MIS18A: variants seen among roughly 807,000 people sequenced by gnomAD.
MIS18A encodes the protein MIS18 kinetochore protein A.
A neutral mutation model predicts 25.0 loss-of-function variants in MIS18A; 14 were observed. The observed-to-expected ratio is 0.56, with a 90% CI of 0.37 to 0.88. MIS18A has a LOEUF of 0.88. Ranked by LOEUF, MIS18A falls within the 40% of genes least tolerant of loss-of-function variation. The probability of loss-of-function intolerance (pLI) is 0.00; values close to 1 mark genes in which losing one functional copy is unlikely to be tolerated. For missense variants in MIS18A, 292 were observed against 290.8 expected (o/e 1.00, Z -0.03); for synonymous variants, 134 against 118.6 (o/e 1.13, Z -0.84).
the MIS18A span, among the ~76,000 whole-genome samples, chr21:32,168,040 G>A: frequency 3.3e-5 from 5 of 152,088 alleles, no homozygotes; most frequent in Non-Finnish European, 7.4e-5. Flanking sequence ...CATGAAAGTG[G>A]AGCCCTCACA....
intron 2 of MIS18A, among the ~76,000 whole-genome samples, chr21:32,274,327 C>T (rs1195753378): frequency 6.7e-6 from 1 of 150,206 alleles, no homozygotes; most frequent in Non-Finnish European, 1.5e-5. Flanking sequence ...GTCTCAGCCT[C>T]TTGAGTAGGT....
chr21:32,176,102 T>C, the MIS18A span, among the ~76,000 whole-genome samples: 7 of 152,300 alleles, frequency 4.6e-5, no homozygotes, highest in African/African-American at 1.2e-4. Flanking sequence ...CCGAAGGACA[T>C]GCCTGAGGCT....
At chr21:32,267,826 C>T (rs950417376), downstream of MIS18A, among the ~76,000 whole-genome samples, 1 of 152,224 alleles carries the variant, frequency 6.6e-6, no homozygotes. Flanking sequence ...TTTGCTTCCA[C>T]AGCACCATAG....
chr21:32,262,627 C>T, the MIS18A span, among the ~76,000 whole-genome samples: 11 of 152,246 alleles, frequency 7.2e-5, no homozygotes, highest in Middle Eastern at 3.4e-3. Flanking sequence ...TTCAGGGTTA[C>T]GTGAATTAGA....
At chr21:32,262,049 A>C in the MIS18A span, among the ~76,000 whole-genome samples, 1 of 152,270 alleles carries the variant, frequency 6.6e-6, no homozygotes, top group African/African-American at 2.4e-5. Context: ...GGAAGAAGGC[A>C]GCCATGCACA....
the MIS18A span, among the ~76,000 whole-genome samples, chr21:32,223,304 C>A: frequency 6.6e-6 from 1 of 150,550 alleles, no homozygotes; most frequent in Non-Finnish European, 1.5e-5. Context: ...GATAGAGACA[C>A]AAAAAACCCT....
the MIS18A span, among the ~76,000 whole-genome samples, chr21:32,229,281 T>C: frequency 6.6e-6 from 1 of 152,214 alleles, no homozygotes; most frequent in African/African-American, 2.4e-5. Flanking sequence ...CCAAGTGCTA[T>C]GTCTAAAGTT....
the MIS18A span, among the ~76,000 whole-genome samples, chr21:32,247,972 G>A: frequency 6.6e-6 from 1 of 152,200 alleles, no homozygotes; most frequent in Non-Finnish European, 1.5e-5. Flanking sequence ...CAGACTCTAT[G>A]TGAAGAGCTG....
chr21:32,171,763 T>G, the MIS18A span, among the ~76,000 whole-genome samples: 1 of 152,060 alleles, frequency 6.6e-6, no homozygotes, highest in African/African-American at 2.4e-5. Flanking sequence ...CACAATTGAC[T>G]GAAACATTGT....
At chr21:32,165,785 T>C in the MIS18A span, among the ~76,000 whole-genome samples, 2,899 of 152,136 alleles carry the variant, frequency 0.019, 88 homozygotes, top group African/African-American at 0.063. Flanking sequence ...TGCTAAGAGG[T>C]GAATAAGCAC....
intron 1 of MIS18A, 24 bp downstream of exon 1, chr21:32,278,657 C>T: frequency 1.3e-6 from 2 of 1,494,330 alleles, no homozygotes; most frequent in Non-Finnish European, 8.9e-7. Context: ...CCACGCCCCC[C>T]CTGCCCGGCT....
At chr21:32,223,205 T>C in the MIS18A span, among the ~76,000 whole-genome samples, 73 of 151,678 alleles carry the variant, frequency 4.8e-4, no homozygotes, top group Non-Finnish European at 9.0e-4. Flanking sequence ...CCTAACATCA[T>C]GATTAAAAGA....
At chr21:32,175,260 T>C in the MIS18A span, among the ~76,000 whole-genome samples, 3 of 152,170 alleles carry the variant, frequency 2.0e-5, no homozygotes, top group South Asian at 2.1e-4. Context: ...CATCCATATA[T>C]GGCACTTACC....
At chr21:32,163,014 C>T in the MIS18A span, among the ~76,000 whole-genome samples, 9,448 of 152,200 alleles carry the variant, frequency 0.062, 409 homozygotes, top group East Asian at 0.13. Flanking sequence ...TCTGTCATTT[C>T]GCAAAGAAAA....
the MIS18A span, among the ~76,000 whole-genome samples, chr21:32,257,326 T>TA: frequency 6.6e-6 from 1 of 152,246 alleles, no homozygotes; most frequent in Admixed American, 6.5e-5. Flanking sequence ...GAGATGCTGT[T>TA]AAATAAAATG....
chr21:32,220,424 T>C, the MIS18A span, among the ~76,000 whole-genome samples: 55 of 152,148 alleles, frequency 3.6e-4, 2 homozygotes, highest in South Asian at 0.011. Context: ...CAGAAAGCAA[T>C]AGCATCAACA....
At chr21:32,242,866 C>G in the MIS18A span, among the ~76,000 whole-genome samples, 1 of 152,142 alleles carries the variant, frequency 6.6e-6, no homozygotes, top group Non-Finnish European at 1.5e-5. Context: ...AAAAGTGTAG[C>G]CAGACTCCTA....
chr21:32,168,679 G>A, the MIS18A span, among the ~76,000 whole-genome samples: 1 of 152,148 alleles, frequency 6.6e-6, no homozygotes, highest in African/African-American at 2.4e-5. Context: ...ATTAATAGTA[G>A]TCTTTAAAAT....
chr21:32,187,482 G>C, the MIS18A span, among the ~76,000 whole-genome samples: 1 of 152,062 alleles, frequency 6.6e-6, no homozygotes, highest in African/African-American at 2.4e-5. Context: ...GAGGGATGGG[G>C]GAAATTCACC....
Sources: gnomAD v4.1 joint callset for allele counts (sites outside exome capture counted in the v4.1 genomes callset) on GRCh38, gnomAD v4.1.1 for gene constraint, MANE v1.5 for transcripts, NCBI Gene and HGNC (gene_info 2026-07-23, HGNC 2026-07-21) for gene names.